ANOS1: variants seen among roughly 807,000 people sequenced by gnomAD.
ANOS1 encodes anosmin 1, also known as anosmin-1.
ANOS1 carries 6 observed loss-of-function variants against 59.0 expected under a neutral mutation model. The observed-to-expected ratio is 0.10, with a 90% CI of 0.06 to 0.20. The LOEUF is 0.20. Ranked by LOEUF, ANOS1 falls within the 10% of genes least tolerant of loss-of-function variation. The pLI is 1.00. For synonymous variants in ANOS1, 217 were observed against 223.4 expected, an observed-to-expected ratio of 0.97 and a Z score of 0.25; for missense variants, 433 against 542.3, an observed-to-expected ratio of 0.80 and a Z score of 2.00.
intron 2 of ANOS1, among the ~76,000 whole-genome samples, chrX:8,633,033 T>C (rs1159887865): frequency 1.8e-5 from 2 of 111,567 alleles, no homozygotes; most frequent in African/African-American, 6.5e-5. Flanking sequence ...GTATAGAAAT[T>C]GTTACAATCC....
At chrX:8,711,351 A>G (rs1326875135) in intron 1 of ANOS1, among the ~76,000 whole-genome samples, 1 of 112,664 alleles carries the variant, frequency 8.9e-6, no homozygotes, top group Non-Finnish European at 1.9e-5. Flanking sequence ...GAAGGCTAAA[A>G]AATGTATGAA....
Position 8,731,911 on chromosome X carries a change from C to T in ANOS1, c.126G>A (p.Gly42=), listed in dbSNP as rs777934092. ...AGGCGCAGCGAGCGCGCTGGACGCT[C>T]CCGGCAGACAGCGACTCGTCCAGCC... The part of the protein sequence containing the change: ...ARRLDESLSA[G]SVQRARCASR... Residue 42 remains glycine (G), a synonymous_variant, in exon 1 of 14, where the codon GGG becomes GGA. Transcript: ENST00000262648. 2.6e-6 allele frequency: 3 copies of T among 1,175,970 alleles called. No individual in the cohort carries two copies. Among genetic ancestry groups the T allele is most frequent in the Non-Finnish European group, 3.4e-6 (3 of 880,002 alleles).
chrX:8,720,187 C>T (rs184406440), intron 1 of ANOS1, among the ~76,000 whole-genome samples: 1 of 111,719 alleles, frequency 9.0e-6, no homozygotes, highest in Non-Finnish European at 1.9e-5. Flanking sequence ...ACACTGAGCT[C>T]GTGGAAATGG....
At chrX:8,577,204 C>T (rs926912426) in intron 6 of ANOS1, among the ~76,000 whole-genome samples, 1 of 111,922 alleles carries the variant, frequency 8.9e-6, no homozygotes, top group Non-Finnish European at 1.9e-5. Context: ...AAACATACAG[C>T]TGCATTTTGT....
At chrX:8,674,883 T>G (rs944103947) in intron 2 of ANOS1, among the ~76,000 whole-genome samples, 5 of 111,667 alleles carry the variant, frequency 4.5e-5, no homozygotes, top group Middle Eastern at 4.6e-3. Flanking sequence ...AAGCTCCAAA[T>G]GGATTTTCTC....
At chrX:8,705,027 T>A (rs1023243354) in intron 1 of ANOS1, among the ~76,000 whole-genome samples, 7 of 111,481 alleles carry the variant, frequency 6.3e-5, no homozygotes, top group Admixed American at 2.9e-4. Flanking sequence ...TTCCATTCTG[T>A]TTTTTCCTTG....
intron 2 of ANOS1, among the ~76,000 whole-genome samples, chrX:8,683,251 A>AG (rs1363904956): frequency 9.0e-6 from 1 of 111,397 alleles, no homozygotes; most frequent in African/African-American, 3.3e-5. Flanking sequence ...GTAAAGGACG[A>AG]GGAGCGATGA....
chrX:8,620,560 C>T (rs1931273057), intron 3 of ANOS1, among the ~76,000 whole-genome samples: 1 of 111,751 alleles, frequency 8.9e-6, no homozygotes, highest in Non-Finnish European at 1.9e-5. Flanking sequence ...GGCCTGTCTC[C>T]ATAAGTGACT....
intron 3 of ANOS1, among the ~76,000 whole-genome samples, chrX:8,598,827 AT>A (rs1439272454): frequency 8.9e-6 from 1 of 112,308 alleles, no homozygotes; most frequent in Non-Finnish European, 1.9e-5. Context: ...TTCACCTGGA[AT>A]GCCTGTGCAT....
At chrX:8,552,622 G>T (rs1372582332) in intron 9 of ANOS1, among the ~76,000 whole-genome samples, 1 of 112,014 alleles carries the variant, frequency 8.9e-6, no homozygotes, top group Non-Finnish European at 1.9e-5. Flanking sequence ...CAAATATTGA[G>T]TTTTAAAAGT....
At chrX:8,534,996 T>C (rs1423456989) in intron 12 of ANOS1, among the ~76,000 whole-genome samples, 2 of 112,052 alleles carry the variant, frequency 1.8e-5, no homozygotes, top group Non-Finnish European at 3.8e-5. Flanking sequence ...TTTTTCCTTC[T>C]GAGATTTAAG....
chrX:8,626,287 G>A (rs1033436606), intron 2 of ANOS1, among the ~76,000 whole-genome samples: 4 of 110,340 alleles, frequency 3.6e-5, no homozygotes, highest in African/African-American at 1.3e-4. Context: ...ACTCTTTGGA[G>A]TAATGTCTCT....
chrX:8,610,629 C>T (rs1931038799), intron 3 of ANOS1, among the ~76,000 whole-genome samples: 1 of 111,154 alleles, frequency 9.0e-6, no homozygotes, highest in African/African-American at 3.3e-5. Flanking sequence ...AATAATCAGA[C>T]AGCAATAAAG....
intron 1 of ANOS1, among the ~76,000 whole-genome samples, chrX:8,730,599 G>A (rs778239124): frequency 2.7e-3 from 129 of 47,218 alleles, no homozygotes; most frequent in Non-Finnish European, 4.5e-3. Context: ...CCCACCCCTT[G>A]ACCCAGCTCT....
chrX:8,730,579 G>GCC (rs1932963763), intron 1 of ANOS1, among the ~76,000 whole-genome samples: 2 of 58,243 alleles, frequency 3.4e-5, no homozygotes, highest in South Asian at 1.3e-3. Context: ...CCTCTAGGGG[G>GCC]ACCCCCCCCC....
intron 2 of ANOS1, among the ~76,000 whole-genome samples, chrX:8,624,920 C>T (rs904994008): frequency 3.7e-5 from 4 of 109,461 alleles, no homozygotes; most frequent in Admixed American, 2.0e-4. Context: ...CCAGCCTGGC[C>T]GACAAAGTGA....
At chrX:8,711,489 G>A (rs111431654) in intron 1 of ANOS1, among the ~76,000 whole-genome samples, 7 of 112,780 alleles carry the variant, frequency 6.2e-5, no homozygotes, top group Non-Finnish European at 9.4e-5. Context: ...AAAAATTAAT[G>A]TCTTCTTTTC....
chrX:8,691,214 C>T (rs922477784), intron 2 of ANOS1, among the ~76,000 whole-genome samples: 2 of 109,608 alleles, frequency 1.8e-5, no homozygotes, highest in Non-Finnish European at 3.8e-5. Flanking sequence ...GCTGGGATTA[C>T]AGGCGTGCAC....
Position 8,727,788 on chromosome X carries a change from G to A in ANOS1, c.207+4042C>T, listed in dbSNP as rs1049663833. On this transcript the variant is annotated intron_variant, in intron 1 of 13. Coordinates refer to ENST00000262648, the MANE Select transcript of ANOS1 (RefSeq NM_000216.4). The stretch of plus-strand genomic sequence containing the variant: ...TTCTCTTCCTCCTTCCACCATTCCC[G>A]AGTCTGGCCTGTTGGACCCTCTGGC... Among the ~76,000 whole-genome samples the A allele has an allele frequency of 4.7e-4, 53 of 112,420 alleles. No individual in the cohort carries two copies. The Middle Eastern group carries it at 0.014, about 29-fold the overall frequency.
Sources: gnomAD v4.1 joint callset for allele counts (sites outside exome capture counted in the v4.1 genomes callset) on GRCh38, gnomAD v4.1.1 for gene constraint, MANE v1.5 for transcripts, NCBI Gene and HGNC (gene_info 2026-07-23, HGNC 2026-07-21) for gene names.